PITPNC1: variants seen among roughly 807,000 people sequenced by gnomAD.
PITPNC1 encodes phosphatidylinositol transfer protein cytoplasmic 1.
In PITPNC1, 18 loss-of-function variants were observed where a neutral mutation model predicts 44.7. That is an observed-to-expected ratio of 0.40 (90% confidence interval 0.28 to 0.60). The LOEUF (loss-of-function observed/expected upper bound fraction) is 0.60. Among genes scored for constraint, PITPNC1 ranks in the 20% least tolerant of loss-of-function variants. The probability of loss-of-function intolerance (pLI) is 0.39; values close to 1 mark genes in which losing one functional copy is unlikely to be tolerated. For synonymous variants in PITPNC1, 141 were observed against 149.6 expected, an observed-to-expected ratio of 0.94 and a Z score of 0.42; for missense variants, 290 against 418.4, an observed-to-expected ratio of 0.69 and a Z score of 2.68.
chr17:67,591,321 G>A (rs1397225708), intron 5 of PITPNC1, among the ~76,000 whole-genome samples: 1 of 152,214 alleles, frequency 6.6e-6, no homozygotes, highest in Non-Finnish European at 1.5e-5. Flanking sequence ...ACTAAATGCA[G>A]TATGATCCTG....
intron 1 of PITPNC1, among the ~76,000 whole-genome samples, chr17:67,525,586 C>T (rs2040382251): frequency 6.6e-6 from 1 of 152,212 alleles, no homozygotes; most frequent in South Asian, 2.1e-4. Flanking sequence ...ACTGGATCTC[C>T]TTTCCTGTGT....
intron 5 of PITPNC1, among the ~76,000 whole-genome samples, chr17:67,616,529 A>G (rs1239234083): frequency 6.6e-6 from 1 of 152,120 alleles, no homozygotes; most frequent in Non-Finnish European, 1.5e-5. Context: ...CGGTCACTGT[A>G]TCACTCTGAT....
At chr17:67,633,481 G>T (rs548133447) in intron 6 of PITPNC1, among the ~76,000 whole-genome samples, 1 of 152,352 alleles carries the variant, frequency 6.6e-6, no homozygotes, top group South Asian at 2.1e-4. Context: ...TTCAGCTGCT[G>T]TCCCTGAAAG....
intron 1 of PITPNC1, among the ~76,000 whole-genome samples, chr17:67,461,808 T>C (rs1186727460): frequency 6.6e-6 from 1 of 152,152 alleles, no homozygotes; most frequent in Non-Finnish European, 1.5e-5. Flanking sequence ...AGGGAGACCC[T>C]GTCTCTAAAC....
intron 1 of PITPNC1, among the ~76,000 whole-genome samples, chr17:67,531,486 G>A (rs1459961342): frequency 1.3e-5 from 2 of 152,098 alleles, no homozygotes; most frequent in African/African-American, 2.4e-5. Context: ...TACTGGGCTC[G>A]GTCCCCAGGG....
At chr17:67,524,602 T>C (rs1349929642) in intron 1 of PITPNC1, 1 of 151,908 alleles carries the variant, frequency 6.6e-6, no homozygotes, top group Non-Finnish European at 1.5e-5. Flanking sequence ...CCAAATCTAG[T>C]GTGCATTTTA....
chr17:67,562,719 A>G (rs1164043097), intron 4 of PITPNC1, among the ~76,000 whole-genome samples: 2 of 152,158 alleles, frequency 1.3e-5, no homozygotes, highest in African/African-American at 2.4e-5. Flanking sequence ...TTTCCTTTGC[A>G]TCTTTGCCTG....
chr17:67,570,306 G>T (rs1402176139), intron 4 of PITPNC1, among the ~76,000 whole-genome samples: 1 of 152,228 alleles, frequency 6.6e-6, no homozygotes, highest in Non-Finnish European at 1.5e-5. Context: ...AGAAGGAGCT[G>T]CCAAGGATGG....
At chr17:67,529,007 G>A (rs555537749) in intron 1 of PITPNC1, among the ~76,000 whole-genome samples, 1 of 152,272 alleles carries the variant, frequency 6.6e-6, no homozygotes, top group South Asian at 2.1e-4. Context: ...CGGCTGCAGA[G>A]CCCTTGACCA....
intron 1 of PITPNC1, among the ~76,000 whole-genome samples, chr17:67,477,847 C>CA (rs34979889): frequency 6.6e-6 from 1 of 152,002 alleles, no homozygotes; most frequent in African/African-American, 2.4e-5. Context: ...ACCCCCACCC[C>CA]AAAAAAAGTC....
At chr17:67,513,389 ATATCTATATC>A (rs1471475031) in intron 1 of PITPNC1, among the ~76,000 whole-genome samples, 3 of 148,504 alleles carry the variant, frequency 2.0e-5, no homozygotes, top group East Asian at 3.9e-4. Context: ...ATCTATATCT[ATATCTATATC>A]TATATCTACA....
Position 67,425,203 on chromosome 17 carries a change from G to GCACACACACACACA in PITPNC1, c.48+47048_48+47061dup, listed in dbSNP as rs60705271. Among the ~76,000 whole-genome samples the GCACACACACACACA allele has an allele frequency of 6.6e-3, 652 of 98,736 alleles. 18 individuals are homozygous for GCACACACACACACA. The highest frequency in any genetic ancestry group is 0.032 in the East Asian group (87 of 2,746). 64.8% of individuals were successfully genotyped at this position (98,736 alleles called of 152,430 possible). On this transcript the variant is annotated intron_variant, in intron 1 of 8. Transcript: ENST00000581322. ...CCATGTTGTGCGCGCGCACGCACACGCACACACACACACACACACACACAC... is the reference window on the plus strand; with the variant it reads ...CCATGTTGTGCGCGCGCACGCACACGCACACACACACACACACACACACACACACACACACACAC...
chr17:67,469,263 G>A (rs749889632), intron 1 of PITPNC1, among the ~76,000 whole-genome samples: 3 of 152,110 alleles, frequency 2.0e-5, no homozygotes, highest in Non-Finnish European at 2.9e-5. Flanking sequence ...CTTTCCAAGT[G>A]TAGCCAAGCA....
At chr17:67,493,819 C>T (rs1357836186) in intron 1 of PITPNC1, among the ~76,000 whole-genome samples, 1 of 152,206 alleles carries the variant, frequency 6.6e-6, no homozygotes, top group Non-Finnish European at 1.5e-5. Flanking sequence ...AGCAATTTGT[C>T]TTCCTTGCAG....
chr17:67,420,712 G>A (rs1034704998), intron 1 of PITPNC1, among the ~76,000 whole-genome samples: 11 of 152,046 alleles, frequency 7.2e-5, no homozygotes, highest in Non-Finnish European at 1.6e-4. Flanking sequence ...GATTACAGGC[G>A]TGAGCCACTG....
At chr17:67,650,187 G>A (rs1237678603) in intron 6 of PITPNC1, among the ~76,000 whole-genome samples, 1 of 152,158 alleles carries the variant, frequency 6.6e-6, no homozygotes, top group Non-Finnish European at 1.5e-5. Context: ...AGTTTTTGGA[G>A]CATTGTCTTA....
rs1462114707 is a variant in PITPNC1 at position 67,523,139 on chromosome 17, G to A, written c.49-9663G>A. 2.6e-5 allele frequency among the ~76,000 whole-genome samples: 4 copies of A among 152,086 alleles called. No individual in the cohort carries two copies. In the East Asian group the frequency reaches 5.8e-4, roughly 22 times the overall value. ...TTCCAGTCCCTGGCAGCTACCATTC[G>A]ACTTTCTGTCTCTACGAACTTGACA... On this transcript the variant is annotated intron_variant, in intron 1 of 8. Transcript: ENST00000581322.
chr17:67,512,117 T>A (rs2040191541), intron 1 of PITPNC1, among the ~76,000 whole-genome samples: 1 of 152,114 alleles, frequency 6.6e-6, no homozygotes, highest in Non-Finnish European at 1.5e-5. Context: ...GCTCAGAACT[T>A]GGGGTGAGAA....
chr17:67,592,700 T>C (rs1049723832), intron 5 of PITPNC1, among the ~76,000 whole-genome samples: 1 of 152,218 alleles, frequency 6.6e-6, no homozygotes, highest in African/African-American at 2.4e-5. Flanking sequence ...AAGATAACTT[T>C]CTCAGTAAAT....
Sources: allele counts gnomAD v4.1 joint callset (sites outside exome capture counted in the v4.1 genomes callset), GRCh38; gene constraint gnomAD v4.1.1; transcripts MANE v1.5; gene names NCBI Gene and HGNC (gene_info 2026-07-23, HGNC 2026-07-21).